The following DNHD1 variants were observed in gnomAD, a reference collection of about 807,000 sequenced individuals.
DNHD1 encodes dynein heavy chain domain 1.
DNHD1 carries 383 observed loss-of-function variants against 458.1 expected under a neutral mutation model. That is an observed-to-expected ratio of 0.84 (90% CI 0.77 to 0.91). DNHD1 has a LOEUF of 0.91. Ranked by LOEUF, DNHD1 falls within the 40% of genes least tolerant of loss-of-function variation. The probability of loss-of-function intolerance (pLI) is 0.00; values close to 1 mark genes in which losing one functional copy is unlikely to be tolerated. For missense variants in DNHD1, 5,336 were observed against 5,866.1 expected (o/e 0.91, Z 2.95); for synonymous variants, 2,203 against 2,376.9 (o/e 0.93, Z 2.13).
chr11:6,564,327 C>A lies in DNHD1; in HGVS notation c.10285-6C>A, dbSNP rs1273916481. ...ACACAGCCTCTGGTCTTCCCTTCCA[C>A]TCCAGAAGCTGAAGGGACGCTGCAT... On this transcript the variant is annotated splice_region_variant and splice_polypyrimidine_tract_variant and intron_variant, in intron 31 of 42. Transcript: ENST00000254579. The A allele has an allele frequency of 1.3e-6, 2 of 1,526,266 alleles. No individual in the cohort carries two copies. The highest frequency in any genetic ancestry group is 1.4e-5 in the African/African-American group (1 of 72,644). The allele number at this position is 1,526,266 out of a possible 1,614,324, so 94.5% of individuals were successfully genotyped here. A position where few individuals can be genotyped will look rare whatever the true frequency, so the allele number is the denominator to read the frequency against.
chr11:6,516,444 C>T (rs1165152472), intron 7 of DNHD1, among the ~76,000 whole-genome samples: 1 of 151,578 alleles, frequency 6.6e-6, no homozygotes, highest in Non-Finnish European at 1.5e-5. Context: ...ATTACAGGTG[C>T]CCACCACCAC....
At chr11:6,539,789 G>T (rs1348805221) in intron 17 of DNHD1, 87 bp from the exon 18 acceptor site, 2 of 1,275,422 alleles carry the variant, frequency 1.6e-6, no homozygotes, top group African/African-American at 3.0e-5. Flanking sequence ...CTTGAGTTCT[G>T]CCTCAGATCC....
intron 16 of DNHD1, 33 bp downstream of exon 16, chr11:6,538,843 G>C: frequency 6.8e-7 from 1 of 1,467,672 alleles, no homozygotes; most frequent in Non-Finnish European, 9.1e-7. Context: ...GAGGGGGAAA[G>C]GGAAATATGT....
At position 6,548,755 on chromosome 11, in the gene DNHD1, G is replaced by A. The variant is rs1411008275; in HGVS notation, c.7209G>A (p.Glu2403=). 6.4e-7 allele frequency: 1 copy of A among 1,551,636 alleles called. No individual in the cohort carries two copies. The highest frequency in any genetic ancestry group is 2.0e-5 in the Admixed American group (1 of 50,998). The change falls in exon 24 of 43, where the codon GAG becomes GAA. Residue 2403 remains glutamate (E), a synonymous_variant. Transcript: ENST00000254579. This position sits in a 1 kb window ranked among gnomAD's most constrained non-coding sequence, Gnocchi z 4.4. ...GKSAFVEVLV[E]PHHPYIYSPI... The stretch of plus-strand genomic sequence containing the variant: ...CAGCCTTTGTGGAGGTGCTGGTAGA[G>A]CCACATCACCCTTACATATACAGCC...
In DNHD1 at chr11:6,519,952, C is replaced by CT. The variant is rs762897900; in HGVS notation, c.1648-5dup. 3.7e-5 allele frequency: 59 copies of CT among 1,613,254 alleles called. No homozygotes were observed. Among genetic ancestry groups the CT allele is most frequent in the South Asian group, 1.1e-4 (10 of 91,004 alleles). On this transcript the variant is annotated splice_polypyrimidine_tract_variant and intron_variant, in intron 8 of 42. Coordinates refer to ENST00000254579, the MANE Select transcript of DNHD1 (RefSeq NM_144666.3). ...TCTAGCCCCTCGACCTTTCCTGACC[C>CT]TTTTTTTTACAGGCCCCAAGGCAGA... is the stretch of plus-strand genomic sequence containing the variant.
chr11:6,549,205 G>C (rs114474687), intron 24 of DNHD1, among the ~76,000 whole-genome samples: 1 of 152,162 alleles, frequency 6.6e-6, no homozygotes, highest in African/African-American at 2.4e-5. Flanking sequence ...TCTCCACCTT[G>C]TTGTCCTGTT....
In DNHD1 at chr11:6,498,935, G is replaced by T. The variant is rs776488073; in HGVS notation, c.720G>T (p.Val240=). The change falls in exon 3 of 43, where the codon GTG becomes GTT. Residue 240 remains valine (V), a synonymous_variant. Coordinates refer to ENST00000254579, the MANE Select transcript of DNHD1 (RefSeq NM_144666.3). The part of the protein sequence containing the change: ...YESSDTDNAE[V]EPVGRKETRS... ...GCAGTGACACTGACAATGCAGAGGT[G>T]GAGCCTGTTGGAAGAAAAGAGACCA... The T allele has an allele frequency of 1.9e-6, 3 of 1,606,272 alleles. No homozygotes were observed. In the South Asian group the frequency reaches 3.3e-5, roughly 18 times the overall value.
Position 6,570,897 on chromosome 11 carries a change from G to A in DNHD1, c.13385G>A (p.Arg4462His). 5 of 1,613,672 alleles carry A rather than the reference G, an allele frequency of 3.1e-6. No homozygotes were observed. Among genetic ancestry groups the A allele is most frequent in the Non-Finnish European group, 4.2e-6 (5 of 1,179,612 alleles). The stretch of plus-strand genomic sequence containing the variant: ...CAGGATCTGCTGACCCACGTGATTC[G>A]CCAAGACGAGTCCGACGCCCCGTGG... ...SLQDLLTHVI[R>H]QDESDAPWSV... is the part of the protein sequence containing the mutation. Residue 4462 changes from arginine (R) to histidine (H), a missense_variant, in exon 42 of 43, where the codon CGC (arginine) becomes CAC (histidine). Around this residue, in one of 4 missense-constraint regions of DNHD1, gnomAD observed 698 missense variants for 664.9 expected, o/e 1.05. Coordinates refer to ENST00000254579, the MANE Select transcript of DNHD1 (RefSeq NM_144666.3).
chr11:6,498,317 G>C lies in DNHD1; in HGVS notation c.102G>C (p.Gln34His). The change falls in exon 3 of 43, where the codon CAG (glutamine) becomes CAC (histidine). Residue 34 changes from glutamine (Q) to histidine (H), a missense_variant. This residue lies in a region of DNHD1 where 3,932 missense variants were observed against 4,365.6 expected (regional missense o/e 0.90). Coordinates refer to ENST00000254579, the MANE Select transcript of DNHD1 (RefSeq NM_144666.3). Reference protein sequence around the residue: ...HSICVLDSKEQPLACQQKQRQ... With the variant: ...HSICVLDSKEHPLACQQKQRQ... ...TATGTGTCTTGGACAGCAAAGAACA[G>C]CCCTTGGCCTGCCAGCAGAAACAGA... 2 of 1,614,222 alleles carry C rather than the reference G, an allele frequency of 1.2e-6. No individual in the cohort carries two copies. The highest frequency in any genetic ancestry group is 1.6e-4 in the Middle Eastern group (1 of 6,062).
chr11:6,543,817 C>T (rs1002440210), intron 18 of DNHD1, among the ~76,000 whole-genome samples: 3 of 151,834 alleles, frequency 2.0e-5, no homozygotes, highest in Admixed American at 6.6e-5. Context: ...AAAAATTAGC[C>T]GGACATGGTG....
intron 28 of DNHD1, 115 bp from the exon 29 acceptor site, chr11:6,562,867 A>G: frequency 8.1e-7 from 1 of 1,239,266 alleles, no homozygotes; most frequent in East Asian, 2.6e-5. Flanking sequence ...TTGGAGTTCA[A>G]CGTGGTCAGT....
chr11:6,520,518 G>T, intron 10 of DNHD1: 1 of 1,387,278 alleles, frequency 7.2e-7, no homozygotes, highest in Non-Finnish European at 9.4e-7. Flanking sequence ...CAATGAGAGG[G>T]TGTATGAAAG....
chr11:6,550,948 TAAGAC>T (rs928646832), intron 24 of DNHD1, among the ~76,000 whole-genome samples: 6 of 152,088 alleles, frequency 3.9e-5, no homozygotes, highest in Non-Finnish European at 7.4e-5. Context: ...CAATAACTGA[TAAGAC>T]AAGGAGCAAG....
chr11:6,564,086 C>A lies in DNHD1; in HGVS notation c.10246C>A (p.Leu3416Met). 6.4e-7 allele frequency: 1 copy of A among 1,551,584 alleles called. No homozygotes were observed. The highest frequency in any genetic ancestry group is 8.7e-7 in the Non-Finnish European group (1 of 1,146,984). ...TCACAAATGGCCCATGAAGGCTGCA[C>A]TGCTCACGCCTATGCGTGCCTGGAC... Reference protein sequence around the residue: ...QYHKWPMKAALLTPMRAWTTQ... With the variant: ...QYHKWPMKAAMLTPMRAWTTQ... The change falls in exon 31 of 43, where the codon CTG becomes ATG. Residue 3416 changes from leucine to methionine, a missense_variant. Around this residue, in one of 4 missense-constraint regions of DNHD1, gnomAD observed 3,932 missense variants for 4,365.6 expected, o/e 0.90. Transcript: ENST00000254579.
chr11:6,515,224 TG>T (rs1852437416), intron 7 of DNHD1, among the ~76,000 whole-genome samples: 1 of 152,250 alleles, frequency 6.6e-6, no homozygotes, highest in African/African-American at 2.4e-5. Context: ...TATGTCAGTA[TG>T]TTTTTTCTGT....
rs578172011 is a variant in DNHD1, at chr11:6,559,402, A to G, written c.9519+119A>G. On this transcript the variant is annotated intron_variant, in intron 28 of 42. Coordinates refer to ENST00000254579, the MANE Select transcript of DNHD1 (RefSeq NM_144666.3). ...GTCCCCCTAAGCTTCCCCTTTCCCT[A>G]GGAAATCTCTCTGATCTCCGCTGCC... The G allele has an allele frequency of 5.3e-4, 455 of 864,208 alleles. 8 individuals are homozygous for G. In the South Asian group the frequency reaches 7.7e-3, roughly 15 times the overall value. The allele number at this position is 864,208 out of a possible 1,614,324, so 53.5% of individuals were successfully genotyped here.
chr11:6,561,877 A>T (rs1025380264), intron 28 of DNHD1, among the ~76,000 whole-genome samples: 30 of 152,216 alleles, frequency 2.0e-4, no homozygotes, highest in African/African-American at 7.2e-4. Flanking sequence ...GCTGGAAAGT[A>T]GCGTGCTAGG....
intron 7 of DNHD1, among the ~76,000 whole-genome samples, chr11:6,516,523 C>T (rs1852474126): frequency 6.6e-6 from 1 of 151,406 alleles, no homozygotes; most frequent in South Asian, 2.1e-4. Flanking sequence ...GTCTCAAACC[C>T]CTGACCTCAC....
chr11:6,558,281 G>C lies in DNHD1; in HGVS notation c.8986G>C (p.Glu2996Gln), dbSNP rs1853512566. The C allele has an allele frequency of 4.5e-6, 7 of 1,551,180 alleles. No homozygotes were observed. Among genetic ancestry groups the C allele is most frequent in the Non-Finnish European group, 5.2e-6 (6 of 1,146,850 alleles). ...NLGVKQNIKK[E>Q]MVLQRFHQQV... Reference sequence around the variant, plus strand: ...TGGTGTCAAACAGAACATCAAGAAGGAAATGGTGTTGCAGAGGTGAGGCCA... The same window carrying C: ...TGGTGTCAAACAGAACATCAAGAAGCAAATGGTGTTGCAGAGGTGAGGCCA... The change falls in exon 25 of 43, where the codon GAA (glutamate) becomes CAA (glutamine). Residue 2996 changes from glutamate (E) to glutamine (Q), a missense_variant. Physicochemically the swap from Glu to Gln is conservative, Grantham distance 29. Coordinates refer to ENST00000254579, the MANE Select transcript of DNHD1 (RefSeq NM_144666.3).
Sources: gnomAD v4.1 joint callset for allele counts (sites outside exome capture counted in the v4.1 genomes callset) on GRCh38, gnomAD v4.1.1 for gene constraint, gnomAD v4.1.1 regional missense constraint, Gnocchi (gnomAD v3.1) non-coding constraint, MANE v1.5 for transcripts, NCBI Gene and HGNC (gene_info 2026-07-23, HGNC 2026-07-21) for gene names.